NUDCD3: variants seen among roughly 807,000 people sequenced by gnomAD.
The protein encoded by NUDCD3 is nudC domain-containing protein 3.
In NUDCD3, 13 loss-of-function variants were observed where a neutral mutation model predicts 39.7. The ratio of observed to expected loss-of-function variants is 0.33; its 90% CI spans 0.21 to 0.52. The LOEUF (loss-of-function observed/expected upper bound fraction) is 0.52, where lower values mean the gene tolerates loss of function less well. Among genes scored for constraint, NUDCD3 ranks in the 20% least tolerant of loss-of-function variants. The pLI, the probability that NUDCD3 is intolerant of heterozygous loss-of-function variation, is 0.96. For missense variants in NUDCD3, 453 were observed against 458.1 expected, an observed-to-expected ratio of 0.99 and a Z score of 0.10; for synonymous variants, 175 against 172.4, an observed-to-expected ratio of 1.02 and a Z score of -0.12.
At chr7:44,472,983 T>C (rs1237253959) in intron 2 of NUDCD3, among the ~76,000 whole-genome samples, 1 of 152,214 alleles carries the variant, frequency 6.6e-6, no homozygotes, top group Non-Finnish European at 1.5e-5. Context: ...ATTTAGCTGA[T>C]ATTCATACAC....
chr7:44,461,150 C>T (rs1304590379), intron 2 of NUDCD3, among the ~76,000 whole-genome samples: 1 of 152,196 alleles, frequency 6.6e-6, no homozygotes, highest in African/African-American at 2.4e-5. Context: ...TCCCTTCCTC[C>T]CTTCTCCTGG....
intron 2 of NUDCD3, among the ~76,000 whole-genome samples, chr7:44,451,946 C>T (rs941779426): frequency 2.0e-5 from 3 of 152,036 alleles, no homozygotes; most frequent in Non-Finnish European, 2.9e-5. Flanking sequence ...AATCAAAGGC[C>T]ATTTGTGGAG....
At chr7:44,482,247 T>G (rs549344151) in intron 2 of NUDCD3, among the ~76,000 whole-genome samples, 7 of 152,254 alleles carry the variant, frequency 4.6e-5, no homozygotes, top group South Asian at 2.1e-4. Context: ...ATGAGACAAG[T>G]AGGAAACCTG....
At chr7:44,487,090 C>CA (rs201250967) in intron 1 of NUDCD3, among the ~76,000 whole-genome samples, 73 of 151,596 alleles carry the variant, frequency 4.8e-4, no homozygotes, top group African/African-American at 1.6e-3. Flanking sequence ...AAGTGGACTC[C>CA]AAAAAAAACA....
At chr7:44,395,507 T>C (rs1445505776) in intron 4 of NUDCD3, among the ~76,000 whole-genome samples, 1 of 152,208 alleles carries the variant, frequency 6.6e-6, no homozygotes, top group Non-Finnish European at 1.5e-5. Context: ...AACACTTTCA[T>C]TACCTCACAA....
chr7:44,437,009 A>G (rs1287176658), intron 2 of NUDCD3, among the ~76,000 whole-genome samples: 1 of 149,018 alleles, frequency 6.7e-6, no homozygotes, highest in Non-Finnish European at 1.5e-5. Flanking sequence ...TTCTACCAAT[A>G]TGCTCTCATA....
At chr7:44,484,704 G>C (rs914558586) in intron 2 of NUDCD3, 19 of 396,744 alleles carry the variant, frequency 4.8e-5, no homozygotes, top group Non-Finnish European at 7.2e-5. Flanking sequence ...TTTGTGAGAG[G>C]AGTCAAGTGC....
At chr7:44,489,148 T>C (rs1436291932) in intron 1 of NUDCD3, among the ~76,000 whole-genome samples, 1 of 152,224 alleles carries the variant, frequency 6.6e-6, no homozygotes, top group African/African-American at 2.4e-5. Context: ...TCAAATCACT[T>C]AACCTTGCTG....
intron 2 of NUDCD3, among the ~76,000 whole-genome samples, chr7:44,458,218 C>T (rs192749273): frequency 6.6e-6 from 1 of 152,158 alleles, no homozygotes; most frequent in Admixed American, 6.5e-5. Context: ...GACACAAAGG[C>T]CACATAATGT....
At chr7:44,386,656 C>T (rs2116854079) in intron 5 of NUDCD3, among the ~76,000 whole-genome samples, 1 of 152,324 alleles carries the variant, frequency 6.6e-6, no homozygotes, top group South Asian at 2.1e-4. Flanking sequence ...CAGGATGTGG[C>T]ACGGAGGAAG....
chr7:44,467,788 T>C, intron 2 of NUDCD3: 1 of 728,764 alleles, frequency 1.4e-6, no homozygotes, highest in Non-Finnish European at 2.3e-6. Flanking sequence ...ATCACCCTAT[T>C]GTATATAAGA....
At chr7:44,484,904 T>C (rs1401294896) in intron 2 of NUDCD3, 64 bp downstream of exon 2, 7 of 1,220,012 alleles carry the variant, frequency 5.7e-6, no homozygotes, top group South Asian at 1.5e-5. Context: ...GAATAAATTA[T>C]GGAGAAACCC....
At position 44,484,716 on chromosome 7, in the gene NUDCD3, C is replaced by T. The variant is rs765726105; in HGVS notation, c.509+252G>A. ...GTCTTTGTGAGAGGAGTCAAGTGCTCTAATTTTGGCTCTGGATCTCAAATG... is the reference window on the plus strand; with the variant it reads ...GTCTTTGTGAGAGGAGTCAAGTGCTTTAATTTTGGCTCTGGATCTCAAATG... On this transcript the variant is annotated intron_variant, in intron 2 of 5. Transcript: ENST00000355451. 80 of 427,378 alleles carry T rather than the reference C, an allele frequency of 1.9e-4. 1 individual carries two copies. Among genetic ancestry groups the T allele is most frequent in the Non-Finnish European group, 3.1e-4 (75 of 240,088 alleles). 26.5% of individuals were successfully genotyped at this position (427,378 alleles called of 1,614,324 possible). A position where few individuals can be genotyped will look rare whatever the true frequency, so the allele number is the denominator to read the frequency against.
intron 2 of NUDCD3, 91 bp from the exon 3 acceptor site, chr7:44,427,794 G>A (rs1799267464): frequency 1.5e-6 from 2 of 1,357,032 alleles, no homozygotes; most frequent in African/African-American, 1.5e-5. Flanking sequence ...CTACATCCTG[G>A]AGACGTGACC....
chr7:44,447,939 C>T (rs1799717175), intron 2 of NUDCD3, among the ~76,000 whole-genome samples: 1 of 152,158 alleles, frequency 6.6e-6, no homozygotes, highest in Non-Finnish European at 1.5e-5. Flanking sequence ...AATGGAGGCT[C>T]CCAGAGGCTA....
At chr7:44,440,496 G>GAAAAAAAAAAAAAAAAAA (rs72065068) in intron 2 of NUDCD3, among the ~76,000 whole-genome samples, 5 of 48,386 alleles carry the variant, frequency 1.0e-4, no homozygotes, top group Non-Finnish European at 1.2e-4. Flanking sequence ...CAGAAAAATT[G>GAAAAAAAAAAAAAAAAAA]AAAAAAAAAA....
chr7:44,484,894 G>A, intron 2 of NUDCD3, 74 bp downstream of exon 2: 2 of 1,120,546 alleles, frequency 1.8e-6, no homozygotes, highest in Non-Finnish European at 2.6e-6. Flanking sequence ...TACAAAGTAA[G>A]AATAAATTAT....
intron 4 of NUDCD3, among the ~76,000 whole-genome samples, chr7:44,394,978 C>T (rs992365081): frequency 1.2e-4 from 18 of 152,336 alleles, no homozygotes; most frequent in African/African-American, 4.1e-4. Context: ...ATCCCCAAAT[C>T]TTCTGTGTCC....
At chr7:44,401,010 T>C (rs1416549068) in intron 4 of NUDCD3, among the ~76,000 whole-genome samples, 1 of 152,178 alleles carries the variant, frequency 6.6e-6, no homozygotes, top group Non-Finnish European at 1.5e-5. Flanking sequence ...TACTTAATGA[T>C]AAGAAACCAA....
Sources: allele counts gnomAD v4.1 joint callset (sites outside exome capture counted in the v4.1 genomes callset), GRCh38; gene constraint gnomAD v4.1.1; transcripts MANE v1.5; gene names NCBI Gene and HGNC (gene_info 2026-07-23, HGNC 2026-07-21).